AKAP12: variants seen among roughly 807,000 people sequenced by gnomAD.
The protein encoded by AKAP12 is A-kinase anchor protein 12.
In AKAP12, 32 loss-of-function variants were observed where a neutral mutation model predicts 79.9. The ratio of observed to expected loss-of-function variants is 0.40; its 90% CI spans 0.30 to 0.54. AKAP12 has a LOEUF of 0.54. Among genes scored for constraint, AKAP12 ranks in the 20% least tolerant of loss-of-function variants. The pLI is 0.48. For missense variants in AKAP12, 2,074 were observed against 2,177.0 expected, an observed-to-expected ratio of 0.95 and a Z score of 0.94; for synonymous variants, 808 against 857.0, an observed-to-expected ratio of 0.94 and a Z score of 1.00.
Position 151,352,508 on chromosome 6 carries a change from C to G in AKAP12, c.4117C>G (p.Gln1373Glu), listed in dbSNP as rs755966965. ...AVTVSEEVSK[Q>E]LLQTVNVPII... is the part of the protein sequence containing the mutation. The stretch of plus-strand genomic sequence containing the variant: ...TACCGTATCTGAAGAGGTCAGTAAG[C>G]AGCTCCTCCAGACAGTGAATGTGCC... The change falls in exon 4 of 5, where the codon CAG becomes GAG. Residue 1373 changes from glutamine to glutamate, a missense_variant. Gln to Glu is a conservative substitution (Grantham distance 29). Coordinates refer to ENST00000402676, the MANE Select transcript of AKAP12 (RefSeq NM_005100.4). 9 of 1,614,168 alleles carry G rather than the reference C, an allele frequency of 5.6e-6. No individual in the cohort carries two copies. Among genetic ancestry groups the G allele is most frequent in the Non-Finnish European group, 7.6e-6 (9 of 1,180,032 alleles).
intron 3 of AKAP12, among the ~76,000 whole-genome samples, chr6:151,334,509 C>T (rs376202303): frequency 2.4e-4 from 36 of 151,736 alleles, no homozygotes; most frequent in Admixed American, 5.2e-4. Context: ...GCAGGAGAAT[C>T]GCTGGAACCC....
At chr6:151,348,680 T>TTGGGGGGGGGGGGGGGGGAGGGG in intron 3 of AKAP12, 31 bp from the exon 4 acceptor site, 1 of 355,202 alleles carries the variant, frequency 2.8e-6, no homozygotes. Flanking sequence ...TTTTCTCTTC[T>TTGGGGGGGGGGGGGGGGGAGGGG]CCCCACCCCC....
chr6:151,323,311 G>C (rs920019129), intron 3 of AKAP12, among the ~76,000 whole-genome samples: 1 of 152,220 alleles, frequency 6.6e-6, no homozygotes, highest in African/African-American at 2.4e-5. Flanking sequence ...AGCGCTTTGG[G>C]AGGCCGAGGC....
chr6:151,319,404 T>A (rs1421367490), intron 3 of AKAP12, among the ~76,000 whole-genome samples: 3 of 151,432 alleles, frequency 2.0e-5, no homozygotes, highest in Non-Finnish European at 4.4e-5. Context: ...CAGACAGATA[T>A]CTATCTATAC....
At chr6:151,333,221 G>A (rs1480659750) in intron 3 of AKAP12, among the ~76,000 whole-genome samples, 1 of 152,084 alleles carries the variant, frequency 6.6e-6, no homozygotes, top group Non-Finnish European at 1.5e-5. Flanking sequence ...AGGCCTGCAC[G>A]GGTTAGCACT....
At chr6:151,241,087 T>G (rs1796965183) in intron 2 of AKAP12, among the ~76,000 whole-genome samples, 2 of 151,928 alleles carry the variant, frequency 1.3e-5, no homozygotes, top group African/African-American at 4.8e-5. Flanking sequence ...GGGGGATCCG[T>G]GGAGAATGGA....
intron 2 of AKAP12, among the ~76,000 whole-genome samples, chr6:151,260,946 C>T (rs1046055453): frequency 1.3e-5 from 2 of 151,692 alleles, no homozygotes; most frequent in African/African-American, 2.4e-5. Flanking sequence ...GAGCCGAGAT[C>T]GTGCCACTGC....
chr6:151,254,497 A>G (rs1056761873), intron 2 of AKAP12, among the ~76,000 whole-genome samples: 1 of 152,122 alleles, frequency 6.6e-6, no homozygotes, highest in Non-Finnish European at 1.5e-5. Flanking sequence ...GATTACAGGC[A>G]TGCGCCACCA....
chr6:151,256,027 A>G (rs1797289464), intron 2 of AKAP12, among the ~76,000 whole-genome samples: 1 of 152,102 alleles, frequency 6.6e-6, no homozygotes, highest in South Asian at 2.1e-4. Context: ...AGTGCTGGAC[A>G]AGAGGCACCA....
intron 3 of AKAP12, among the ~76,000 whole-genome samples, chr6:151,344,443 A>G (rs966148498): frequency 1.3e-5 from 2 of 152,222 alleles, no homozygotes; most frequent in Admixed American, 6.5e-5. Flanking sequence ...AACTTAGAGA[A>G]TAACAAGGTA....
At chr6:151,317,117 G>A (rs1274566303) in intron 3 of AKAP12, among the ~76,000 whole-genome samples, 1 of 151,384 alleles carries the variant, frequency 6.6e-6, no homozygotes, top group African/African-American at 2.4e-5. Context: ...TGATCCACTG[G>A]AAATTCACAT....
rs781230437 is a variant in AKAP12 at position 151,349,978 on chromosome 6, T to G, written c.1587T>G (p.Ser529=). The part of the protein sequence containing the change: ...LFTSTGLKKL[S]GKKQKGKRGG... ...CCAGCACTGGCTTAAAAAAGCTTTC[T>G]GGAAAGAAACAGAAAGGGAAAAGAG... The change falls in exon 4 of 5, where the codon TCT becomes TCG. Residue 529 remains serine (S), a synonymous_variant. Transcript: ENST00000402676. The G allele has an allele frequency of 6.2e-7, 1 of 1,613,674 alleles. No homozygotes were observed. Among genetic ancestry groups the G allele is most frequent in the African/African-American group, 1.3e-5 (1 of 74,760 alleles).
chr6:151,281,665 G>A (rs1582853537), intron 2 of AKAP12, among the ~76,000 whole-genome samples: 2 of 151,960 alleles, frequency 1.3e-5, no homozygotes, highest in Admixed American at 6.6e-5. Context: ...AATTTCCTGC[G>A]GCTTCATTCT....
intron 2 of AKAP12, among the ~76,000 whole-genome samples, chr6:151,260,116 T>TA (rs1411070088): frequency 1.3e-5 from 2 of 152,192 alleles, no homozygotes; most frequent in East Asian, 3.8e-4. Flanking sequence ...TCTCTTTTCT[T>TA]ACTGTCAGTT....
chr6:151,322,702 C>T lies in AKAP12; in HGVS notation c.319+16799C>T, dbSNP rs149574932. 4.4e-3 allele frequency among the ~76,000 whole-genome samples: 656 copies of T among 148,098 alleles called. 5 individuals carry two copies. The highest frequency in any genetic ancestry group is 0.01 in the Middle Eastern group (3 of 292). ...AGAGCTGCCCACTCCCGCCACTGGG[C>T]GTGTCCACCACCCACTCCCGCCACT... On this transcript the variant is annotated intron_variant, in intron 3 of 4. Transcript: ENST00000402676.
At chr6:151,328,129 C>T (rs1365047279) in intron 3 of AKAP12, among the ~76,000 whole-genome samples, 3 of 138,452 alleles carry the variant, frequency 2.2e-5, no homozygotes, top group East Asian at 2.2e-4. Flanking sequence ...AGATCGAGAC[C>T]ATCCTGGCTA....
At chr6:151,343,769 G>A (rs1778010515) in intron 3 of AKAP12, among the ~76,000 whole-genome samples, 1 of 151,926 alleles carries the variant, frequency 6.6e-6, no homozygotes, top group Non-Finnish European at 1.5e-5. Flanking sequence ...GGGTGACAGA[G>A]CGAAGACTGG....
At chr6:151,254,377 A>C (rs987061357) in intron 2 of AKAP12, among the ~76,000 whole-genome samples, 57 of 149,834 alleles carry the variant, frequency 3.8e-4, no homozygotes, top group Non-Finnish European at 1.3e-4. Flanking sequence ...TTTGAGACGG[A>C]GTTTCACTCT....
rs565193246 is a variant in AKAP12, at chr6:151,301,423, G to A, written c.163-4324G>A. 7.9e-5 allele frequency among the ~76,000 whole-genome samples: 12 copies of A among 152,326 alleles called. No homozygotes were observed. The South Asian group carries it at 2.5e-3, about 32-fold the overall frequency. On this transcript the variant is annotated intron_variant, in intron 2 of 4. Coordinates refer to ENST00000402676, the MANE Select transcript of AKAP12 (RefSeq NM_005100.4). ...TAGAAAACACAGAAAAGACTTAAAT[G>A]AATGTAGGTTTGATTTCCTCTATTT... is the stretch of plus-strand genomic sequence containing the variant.
Sources: gnomAD v4.1 joint callset for allele counts (sites outside exome capture counted in the v4.1 genomes callset) on GRCh38, gnomAD v4.1.1 for gene constraint, MANE v1.5 for transcripts, NCBI Gene and HGNC (gene_info 2026-07-23, HGNC 2026-07-21) for gene names.